TUT7: variants seen among roughly 807,000 people sequenced by gnomAD.
The protein encoded by TUT7 is terminal uridylyltransferase 7.
In TUT7, 33 loss-of-function variants were observed where a neutral mutation model predicts 165.9. That is an observed-to-expected ratio of 0.20 (90% CI 0.15 to 0.27). TUT7 has a LOEUF of 0.27. TUT7 is among the 10% of genes least tolerant of loss of function. TUT7 has a pLI of 1.00. For missense variants in TUT7, 1,338 were observed against 1,762.3 expected (o/e 0.76, Z 4.31); for synonymous variants, 552 against 608.1 (o/e 0.91, Z 1.36).
At position 86,334,265 on chromosome 9, in the gene TUT7, T is replaced by A. The variant is rs1473294103; in HGVS notation, c.1455+3154A>T. 2.0e-5 allele frequency among the ~76,000 whole-genome samples: 3 copies of A among 152,140 alleles called. No homozygotes were observed. In the East Asian group the frequency reaches 5.8e-4, roughly 29 times the overall value. On this transcript the variant is annotated intron_variant, in intron 10 of 26. Coordinates refer to ENST00000375963, the MANE Select transcript of TUT7 (RefSeq NM_024617.4). Reference sequence around the variant, plus strand: ...CTGGGCATTATTTCTAAATGGCAACTTTTCCTCTCATCCTGCCAGAAGCAC... The same window carrying A: ...CTGGGCATTATTTCTAAATGGCAACATTTCCTCTCATCCTGCCAGAAGCAC...
intron 2 of TUT7, among the ~76,000 whole-genome samples, chr9:86,350,793 G>A (rs1832215721): frequency 6.6e-6 from 1 of 152,078 alleles, no homozygotes; most frequent in African/African-American, 2.4e-5. Flanking sequence ...ACTTCATTCT[G>A]TTTCTGCTAC....
chr9:86,304,901 A>G lies in TUT7; in HGVS notation c.3933T>C (p.Phe1311=). Residue 1311 remains phenylalanine (F), a synonymous_variant, in exon 24 of 27, where the codon TTT becomes TTC. Transcript: ENST00000375963. ...MKAFINGRRV[F]GIPVKGFPKD... is the part of the protein sequence containing the mutation. ...TTGGAAATCCCTTGACAGGAATACC[A>G]AATACTCTTCTACCATTGATAAAAG... is the stretch of plus-strand genomic sequence containing the variant. The G allele has an allele frequency of 6.2e-7, 1 of 1,612,034 alleles. No homozygotes were observed. The highest frequency in any genetic ancestry group is 1.1e-5 in the South Asian group (1 of 90,660).
At chr9:86,343,634 T>G (rs1831503628) in intron 5 of TUT7, among the ~76,000 whole-genome samples, 1 of 152,200 alleles carries the variant, frequency 6.6e-6, no homozygotes, top group African/African-American at 2.4e-5. Context: ...TAAGGAGGTT[T>G]TAGTAAAACA....
intron 17 of TUT7, among the ~76,000 whole-genome samples, chr9:86,312,807 C>CCTTA (rs1488434818): frequency 1.3e-5 from 2 of 152,172 alleles, no homozygotes; most frequent in African/African-American, 4.8e-5. Flanking sequence ...TGATCTGTGA[C>CCTTA]CTTACCCCCA....
intron 17 of TUT7, 58 bp downstream of exon 17, chr9:86,317,161 T>C (rs1245969351): frequency 6.8e-7 from 1 of 1,477,792 alleles, no homozygotes; most frequent in Admixed American, 1.7e-5. Context: ...AAGGGAAGAC[T>C]ATAGAAAACA....
chr9:86,335,476 G>A (rs1830679659), intron 10 of TUT7, among the ~76,000 whole-genome samples: 1 of 152,164 alleles, frequency 6.6e-6, no homozygotes, highest in South Asian at 2.1e-4. Context: ...ATCTGGGTAG[G>A]TCGGGACAGA....
At chr9:86,301,243 G>C (rs953859725) in intron 26 of TUT7, 33 bp downstream of exon 26, 1 of 1,565,108 alleles carries the variant, frequency 6.4e-7, no homozygotes, top group Non-Finnish European at 8.7e-7. Flanking sequence ...TGAGATGTTA[G>C]AGCAAACATC....
At chr9:86,288,818 C>T in intron 26 of TUT7, 74 bp from the exon 27 acceptor site, 1 of 1,232,062 alleles carries the variant, frequency 8.1e-7, no homozygotes, top group Non-Finnish European at 1.2e-6. Context: ...CATAAAATTA[C>T]TTCTTATTAA....
rs567724736 is a variant in TUT7 at position 86,349,140 on chromosome 9, G to A, written c.521-2660C>T. 9.9e-5 allele frequency among the ~76,000 whole-genome samples: 15 copies of A among 152,058 alleles called. No individual in the cohort carries two copies. In the South Asian group the frequency reaches 2.9e-3, roughly 29 times the overall value. ...CTAAAAATACAAAAATTAGCTGGGC[G>A]TGGTGGCAGGCACCTGTAATCCCAG... On this transcript the variant is annotated intron_variant, in intron 2 of 26. Transcript: ENST00000375963.
At chr9:86,337,853 T>C (rs968238310) in intron 9 of TUT7, among the ~76,000 whole-genome samples, 4 of 152,212 alleles carry the variant, frequency 2.6e-5, no homozygotes, top group African/African-American at 9.6e-5. Flanking sequence ...TTAGAATACA[T>C]GTTAATGAAT....
At position 86,303,076 on chromosome 9, in the gene TUT7, A is replaced by T; in HGVS notation, c.4094+10T>A. 2 of 1,406,248 alleles carry T rather than the reference A, an allele frequency of 1.4e-6. No homozygotes were observed. The highest frequency in any genetic ancestry group is 2.0e-6 in the Non-Finnish European group (2 of 1,021,390). The allele number at this position is 1,406,248 out of a possible 1,614,324, so 87.1% of individuals were successfully genotyped here. On this transcript the variant is annotated intron_variant, in intron 25 of 26. Coordinates refer to ENST00000375963, the MANE Select transcript of TUT7 (RefSeq NM_024617.4). The stretch of plus-strand genomic sequence containing the variant: ...AAAAACACAACCAACCCCTTTGAAC[A>T]TTTACTTACTTTCTCCTCATAGGAC...
intron 17 of TUT7, among the ~76,000 whole-genome samples, chr9:86,312,290 G>C (rs942086078): frequency 1.3e-5 from 2 of 151,758 alleles, no homozygotes; most frequent in Non-Finnish European, 2.9e-5. Context: ...CGGGATGTGA[G>C]GAGCGTCTCT....
chr9:86,339,627 C>A (rs772069494), intron 8 of TUT7, among the ~76,000 whole-genome samples: 52 of 152,142 alleles, frequency 3.4e-4, no homozygotes, highest in Non-Finnish European at 5.7e-4. Context: ...AGCCTATAAA[C>A]CACCCATTTA....
At chr9:86,321,238 T>C (rs896173684) in intron 14 of TUT7, among the ~76,000 whole-genome samples, 6 of 151,676 alleles carry the variant, frequency 4.0e-5, no homozygotes, top group African/African-American at 1.5e-4. Flanking sequence ...ATGACTGTAA[T>C]TCCAGCTACT....
At chr9:86,350,203 T>C (rs1306185534) in intron 2 of TUT7, among the ~76,000 whole-genome samples, 1 of 152,074 alleles carries the variant, frequency 6.6e-6, no homozygotes, top group Non-Finnish European at 1.5e-5. Context: ...TGGTGGCACG[T>C]GCCTGTAGTC....
rs1832420462 is a variant in TUT7 at position 86,352,916 on chromosome 9, T to C, written c.284A>G (p.Lys95Arg). ...SQPAWMNDSHKDQSKRWLSDE... is the reference protein window; with the variant it reads ...SQPAWMNDSHRDQSKRWLSDE... Reference sequence around the variant, plus strand: ...AGACAGCCATCTCTTACTCTGATCTTTGTGGCTGTCATTCATCCAAGCGGG... The same window carrying C: ...AGACAGCCATCTCTTACTCTGATCTCTGTGGCTGTCATTCATCCAAGCGGG... The change falls in exon 2 of 27, where the codon AAA (lysine) becomes AGA (arginine). Residue 95 changes from lysine to arginine, a missense_variant. Lys to Arg is a conservative substitution (Grantham distance 26, BLOSUM62 2). Around this residue, in one of 7 missense-constraint regions of TUT7, gnomAD observed 434 missense variants for 480.8 expected, o/e 0.90. Coordinates refer to ENST00000375963, the MANE Select transcript of TUT7 (RefSeq NM_024617.4). 6.2e-7 allele frequency: 1 copy of C among 1,614,096 alleles called. No homozygotes were observed. Among genetic ancestry groups the C allele is most frequent in the Non-Finnish European group, 8.5e-7 (1 of 1,180,044 alleles).
At chr9:86,336,292 T>C (rs886240196) in intron 10 of TUT7, among the ~76,000 whole-genome samples, 1 of 152,214 alleles carries the variant, frequency 6.6e-6, no homozygotes, top group African/African-American at 2.4e-5. Context: ...GAGTTATTTA[T>C]CAACTAAGGG....
intron 2 of TUT7, among the ~76,000 whole-genome samples, chr9:86,346,930 T>C (rs952501514): frequency 6.6e-6 from 1 of 152,200 alleles, no homozygotes; most frequent in African/African-American, 2.4e-5. Flanking sequence ...GCTTTCATCT[T>C]CTATAAGTGA....
chr9:86,319,709 G>T (rs700760), intron 14 of TUT7, 39 bp from the exon 15 acceptor site: 770,346 of 1,338,518 alleles, frequency 0.58, 224,378 homozygotes, highest in African/African-American at 0.8. Context: ...AAAATAAGCC[G>T]GTTGACACTC....
Sources: gnomAD v4.1 joint callset for allele counts (sites outside exome capture counted in the v4.1 genomes callset) on GRCh38, gnomAD v4.1.1 for gene constraint, gnomAD v4.1.1 regional missense constraint, MANE v1.5 for transcripts, NCBI Gene and HGNC (gene_info 2026-07-23, HGNC 2026-07-21) for gene names.